Variants in CHLSN observed in about 807,000 individuals in gnomAD.
CHLSN encodes the protein cholesin.
the CHLSN span, among the ~76,000 whole-genome samples, chr7:1,126,124 G>A: frequency 6.6e-6 from 1 of 152,092 alleles, no homozygotes; most frequent in South Asian, 2.1e-4. Context: ...CACTTGGGAG[G>A]CCGAGGCAGG....
chr7:982,343 G>C, the CHLSN span, among the ~76,000 whole-genome samples: 1 of 152,254 alleles, frequency 6.6e-6, no homozygotes, highest in African/African-American at 2.4e-5. Context: ...ACGCCCCAGA[G>C]ACAGGCTGTG....
the CHLSN span, among the ~76,000 whole-genome samples, chr7:989,946 T>G: frequency 2.8e-4 from 26 of 93,420 alleles, no homozygotes; most frequent in Non-Finnish European, 4.0e-4. Flanking sequence ...CCTGTGCTGG[T>G]GGTGGCGTGG....
At chr7:1,122,401 C>A in the CHLSN span, among the ~76,000 whole-genome samples, 1 of 152,220 alleles carries the variant, frequency 6.6e-6, no homozygotes, top group South Asian at 2.1e-4. Flanking sequence ...TCACAGGGGC[C>A]TCCACACCAG....
chr7:984,944 C>T, the CHLSN span: 2 of 1,593,988 alleles, frequency 1.3e-6, no homozygotes, highest in African/African-American at 2.7e-5. Context: ...CTGTATCTGC[C>T]TACAGGCATC....
the CHLSN span, among the ~76,000 whole-genome samples, chr7:1,000,002 C>A: frequency 1.3e-5 from 2 of 152,244 alleles, no homozygotes; most frequent in Non-Finnish European, 2.9e-5. Context: ...CGTGTAGACA[C>A]ACGTCATGCA....
the CHLSN span, chr7:1,093,260 C>G: frequency 2.2e-6 from 1 of 455,198 alleles, no homozygotes; most frequent in Non-Finnish European, 4.6e-6. Context: ...ACACAGGAAC[C>G]CTAAAGCAAA....
chr7:1,112,233 G>A, the CHLSN span, among the ~76,000 whole-genome samples: 1 of 152,290 alleles, frequency 6.6e-6, no homozygotes, highest in Non-Finnish European at 1.5e-5. Flanking sequence ...AATGAGGATG[G>A]TCAGATCTCC....
At chr7:1,138,014 G>GGCCGCACCA in the CHLSN span, 1 of 115,758 alleles carries the variant, frequency 8.6e-6, no homozygotes, top group African/African-American at 3.8e-5. Context: ...CGGCCGCACC[G>GGCCGCACCA]GCCGCACCAG....
the CHLSN span, among the ~76,000 whole-genome samples, chr7:1,000,226 TGTGCACAGGAGACGTGCCTGCCCCGCC>T: frequency 6.6e-6 from 1 of 151,960 alleles, no homozygotes; most frequent in Non-Finnish European, 1.5e-5. Context: ...AGGGCCCCAG[TGTGCACAGGAGACGTGCCTGCCCCGCC>T]GTGCACAGAC....
the CHLSN span, among the ~76,000 whole-genome samples, chr7:1,066,182 T>G: frequency 1.3e-5 from 2 of 152,076 alleles, no homozygotes; most frequent in Non-Finnish European, 2.9e-5. Context: ...CGCTGCGGGG[T>G]CCCGGCCCAG....
chr7:1,013,858 A>G, the CHLSN span, among the ~76,000 whole-genome samples: 2 of 152,260 alleles, frequency 1.3e-5, no homozygotes, highest in African/African-American at 4.8e-5. Flanking sequence ...GTACAGAAAA[A>G]TAAAAATTCC....
At chr7:984,965 C>A in the CHLSN span, 1 of 1,604,284 alleles carries the variant, frequency 6.2e-7, no homozygotes, top group South Asian at 1.1e-5. Context: ...TTCTTCTCAT[C>A]TGGGGCGCGC....
the CHLSN span, among the ~76,000 whole-genome samples, chr7:1,094,496 TAAAG>T: frequency 1.3e-5 from 2 of 152,096 alleles, no homozygotes; most frequent in Non-Finnish European, 2.9e-5. Flanking sequence ...AAAGGCCAAT[TAAAG>T]AAAACATCTG....
chr7:1,099,693 C>A, the CHLSN span, among the ~76,000 whole-genome samples: 1 of 152,246 alleles, frequency 6.6e-6, no homozygotes, highest in Non-Finnish European at 1.5e-5. Flanking sequence ...CCGCCTCCTG[C>A]AGAGCTTGGT....
chr7:1,027,313 G>C, the CHLSN span, among the ~76,000 whole-genome samples: 1 of 152,248 alleles, frequency 6.6e-6, no homozygotes, highest in Non-Finnish European at 1.5e-5. Context: ...CATTCCCGCC[G>C]TCTCTGCAGC....
the CHLSN span, chr7:984,385 C>A: frequency 6.5e-7 from 1 of 1,542,910 alleles, no homozygotes; most frequent in South Asian, 1.2e-5. Flanking sequence ...TGAGGGCTGC[C>A]CGGGTGACCC....
At chr7:1,002,411 C>T in the CHLSN span, among the ~76,000 whole-genome samples, 8 of 20,178 alleles carry the variant, frequency 4.0e-4, no homozygotes, top group Non-Finnish European at 7.3e-4. Context: ...GGAGTCCTGC[C>T]GGTGGGGAGT....
At chr7:1,123,164 G>GAGT in the CHLSN span, among the ~76,000 whole-genome samples, 1 of 152,238 alleles carries the variant, frequency 6.6e-6, no homozygotes, top group Non-Finnish European at 1.5e-5. This position sits in a 1 kb window ranked among gnomAD's most constrained non-coding sequence, Gnocchi z 4.4. Flanking sequence ...AAGCCTGGGA[G>GAGT]AGTGAGTGCA....
chr7:1,078,366 A>C, the CHLSN span, among the ~76,000 whole-genome samples: 2 of 151,914 alleles, frequency 1.3e-5, no homozygotes, highest in Non-Finnish European at 2.9e-5. Context: ...GGGCTCAGGC[A>C]CATCAGTTTT....
Sources: allele counts gnomAD v4.1 joint callset (sites outside exome capture counted in the v4.1 genomes callset), GRCh38; gene constraint gnomAD v4.1.1; non-coding constraint Gnocchi (gnomAD v3.1); transcripts MANE v1.5; gene names NCBI Gene and HGNC (gene_info 2026-07-23, HGNC 2026-07-21).